USP37: variants seen among roughly 807,000 people sequenced by gnomAD.
The protein encoded by USP37 is ubiquitin specific peptidase 37.
A neutral mutation model predicts 124.0 loss-of-function variants in USP37; 27 were observed. The observed-to-expected ratio is 0.22, with a 90% CI of 0.16 to 0.30. The LOEUF is 0.30. Among genes scored for constraint, USP37 ranks in the 10% least tolerant of loss-of-function variants. USP37 has a pLI of 1.00. For missense variants in USP37, 889 were observed against 1,140.4 expected (o/e 0.78, Z 3.17); for synonymous variants, 365 against 388.0 (o/e 0.94, Z 0.70).
chr2:218,457,207 A>G (rs1689746814), intron 23 of USP37, 46 bp from the exon 24 acceptor site: 1 of 1,522,506 alleles, frequency 6.6e-7, no homozygotes, highest in African/African-American at 1.4e-5. Flanking sequence ...CATTTGAATA[A>G]AAGCAAAACA....
intron 10 of USP37, among the ~76,000 whole-genome samples, chr2:218,516,778 AC>A (rs563081672): frequency 6.6e-6 from 1 of 151,340 alleles, no homozygotes; most frequent in Non-Finnish European, 1.5e-5. Context: ...GCTTCAAGGT[AC>A]CCCCCCTAGT....
chr2:218,500,529 G>A (rs1406630968), intron 11 of USP37, among the ~76,000 whole-genome samples: 2 of 152,250 alleles, frequency 1.3e-5, no homozygotes, highest in East Asian at 3.9e-4. Flanking sequence ...TTACAGGCAT[G>A]AGCCACCGTG....
chr2:218,545,766 C>T (rs975242949), intron 8 of USP37, among the ~76,000 whole-genome samples: 1 of 152,126 alleles, frequency 6.6e-6, no homozygotes. Flanking sequence ...TTGTTCAACC[C>T]AGAAAACATC....
intron 19 of USP37, 32 bp from the exon 20 acceptor site, chr2:218,474,917 AG>A: frequency 6.3e-7 from 1 of 1,579,684 alleles, no homozygotes; most frequent in South Asian, 1.2e-5. Flanking sequence ...AGAAGAAACC[AG>A]AATACCTACA....
chr2:218,545,881 T>A (rs1335848060), intron 8 of USP37, among the ~76,000 whole-genome samples: 1 of 152,004 alleles, frequency 6.6e-6, no homozygotes, highest in Admixed American at 6.5e-5. Flanking sequence ...ATTTTTTTTT[T>A]AATTAAGCAT....
At chr2:218,520,677 GTTA>G (rs1690560608) in intron 10 of USP37, among the ~76,000 whole-genome samples, 1 of 152,102 alleles carries the variant, frequency 6.6e-6, no homozygotes, top group Non-Finnish European at 1.5e-5. Flanking sequence ...ACAAAAAAGT[GTTA>G]TTCCCAGTTT....
chr2:218,455,742 T>A, intron 24 of USP37, 24 bp from the exon 25 acceptor site: 1 of 1,609,916 alleles, frequency 6.2e-7, no homozygotes, highest in Non-Finnish European at 8.5e-7. Context: ...CATCTTAAAA[T>A]CAAGGTTTTT....
At chr2:218,555,634 TCAA>T (rs955398170) in intron 4 of USP37, among the ~76,000 whole-genome samples, 1 of 152,150 alleles carries the variant, frequency 6.6e-6, no homozygotes, top group Non-Finnish European at 1.5e-5. Context: ...CTTCGACACT[TCAA>T]CAACTGAAAA....
At chr2:218,534,113 A>C (rs1159672554) in intron 9 of USP37, among the ~76,000 whole-genome samples, 2 of 152,236 alleles carry the variant, frequency 1.3e-5, no homozygotes, top group Non-Finnish European at 2.9e-5. Context: ...GATTCTTTAT[A>C]AACAGAATAC....
At chr2:218,514,638 T>G (rs1574910526) in intron 10 of USP37, among the ~76,000 whole-genome samples, 2 of 152,330 alleles carry the variant, frequency 1.3e-5, no homozygotes, top group East Asian at 3.9e-4. Context: ...ATTTTTCCTT[T>G]TGTAATTAAG....
chr2:218,503,458 T>G (rs943634819), intron 11 of USP37, among the ~76,000 whole-genome samples: 1 of 152,248 alleles, frequency 6.6e-6, no homozygotes, highest in South Asian at 2.1e-4. Flanking sequence ...GGCTCACGCC[T>G]GTAATCCCAG....
Position 218,451,153 on chromosome 2 carries a change from C to A in USP37, c.*3777G>T, listed in dbSNP as rs1344003964. On this transcript the variant is annotated 3_prime_UTR_variant, in exon 26 of 26. Transcript: ENST00000258399. ...AATGCAATAAAAAGATGTTGGAGGG[C>A]AGAAGTCTATTTAGTTTTTGTATAC... The A allele has an allele frequency of 6.6e-6, 1 of 152,080 alleles. No homozygotes were observed. Among genetic ancestry groups the A allele is most frequent in the East Asian group, 1.9e-4 (1 of 5,200 alleles). 9.4% of individuals were successfully genotyped at this position (152,080 alleles called of 1,614,324 possible).
At chr2:218,514,960 C>T (rs1690193171) in intron 10 of USP37, among the ~76,000 whole-genome samples, 1 of 152,000 alleles carries the variant, frequency 6.6e-6, no homozygotes, top group African/African-American at 2.4e-5. Flanking sequence ...CATTGGTAAC[C>T]CTTTCAGGTT....
intron 17 of USP37, among the ~76,000 whole-genome samples, chr2:218,481,170 G>A (rs942199240): frequency 1.3e-5 from 2 of 152,242 alleles, no homozygotes; most frequent in Middle Eastern, 3.4e-3. Flanking sequence ...ACTCAAAGAA[G>A]TCCGAAGGTT....
chr2:218,518,488 C>A (rs1690422846), intron 10 of USP37, among the ~76,000 whole-genome samples: 1 of 152,022 alleles, frequency 6.6e-6, no homozygotes, highest in South Asian at 2.1e-4. Context: ...TAAGATACAA[C>A]CAATTATAAG....
Position 218,468,053 on chromosome 2 carries a change from A to T in USP37, c.2300-1877T>A, listed in dbSNP as rs181623974. Among the ~76,000 whole-genome samples, 61 of 146,126 alleles carry T rather than the reference A, an allele frequency of 4.2e-4. No homozygotes were observed. In the East Asian group the frequency reaches 0.012, roughly 29 times the overall value. ...CAGGTGTTCACCACCACACCTGGCT[A>T]ATTTTTTATATTTTTGGTAGAGATG... On this transcript the variant is annotated intron_variant, in intron 20 of 25. Coordinates refer to ENST00000258399, the MANE Select transcript of USP37 (RefSeq NM_020935.3).
chr2:218,455,911 T>G (rs1005295203), intron 24 of USP37, among the ~76,000 whole-genome samples, 193 bp from the exon 25 acceptor site: 2 of 152,116 alleles, frequency 1.3e-5, no homozygotes, highest in East Asian at 3.9e-4. Context: ...CCAGGCATGG[T>G]GGCGTGCGCC....
chr2:218,528,506 G>T, intron 10 of USP37: 4 of 215,042 alleles, frequency 1.9e-5, no homozygotes, highest in East Asian at 9.1e-5. Context: ...ATCCACTTAT[G>T]AGTAAGAATA....
intron 11 of USP37, among the ~76,000 whole-genome samples, chr2:218,504,941 A>G (rs1005036184): frequency 6.6e-6 from 1 of 152,104 alleles, no homozygotes; most frequent in Non-Finnish European, 1.5e-5. Context: ...TGAAACAGTC[A>G]ACTACATTAT....
Sources: gnomAD v4.1 joint callset for allele counts (sites outside exome capture counted in the v4.1 genomes callset) on GRCh38, gnomAD v4.1.1 for gene constraint, MANE v1.5 for transcripts, NCBI Gene and HGNC (gene_info 2026-07-23, HGNC 2026-07-21) for gene names.